Variants in PHEX observed in about 807,000 individuals in gnomAD.
PHEX encodes phosphate-regulating neutral endopeptidase PHEX.
A neutral mutation model predicts 68.0 loss-of-function variants in PHEX; 16 were observed. The ratio of observed to expected loss-of-function variants is 0.24; its 90% CI spans 0.16 to 0.36. The LOEUF (loss-of-function observed/expected upper bound fraction) is 0.36. Ranked by LOEUF, PHEX falls within the 10% of genes least tolerant of loss-of-function variation. The pLI is 1.00. For synonymous variants in PHEX, 208 were observed against 205.1 expected (o/e 1.01, Z -0.12); for missense variants, 480 against 575.5 (o/e 0.83, Z 1.70).
Position 22,206,864 on chromosome X carries a change from ACT to A in PHEX, c.1646-6037_1646-6036del, listed in dbSNP as rs1305325188. The stretch of plus-strand genomic sequence containing the variant: ...TCTATACTTGTTTGTACTAAAAAAA[ACT>A]CTAATTAATGCAGCTTACAATAATG... On this transcript the variant is annotated intron_variant, in intron 15 of 21. Transcript: ENST00000379374. 3.6e-5 allele frequency among the ~76,000 whole-genome samples: 4 copies of A among 111,640 alleles called. No individual in the cohort carries two copies. The East Asian group carries it at 8.4e-4, about 23-fold the overall frequency.
At chrX:22,227,706 A>ATGACTT in intron 20 of PHEX, 95 bp downstream of exon 20, 1 of 579,005 alleles carries the variant, frequency 1.7e-6, no homozygotes, top group East Asian at 3.4e-5. Flanking sequence ...GTTTAATGGC[A>ATGACTT]TGACTTTGAT....
chrX:22,076,737 G>T (rs1419624915), intron 4 of PHEX, among the ~76,000 whole-genome samples: 1 of 112,154 alleles, frequency 8.9e-6, no homozygotes, highest in Non-Finnish European at 1.9e-5. Flanking sequence ...CTTAGACAAA[G>T]TCAGCAGGGC....
intron 19 of PHEX, among the ~76,000 whole-genome samples, 192 bp downstream of exon 19, chrX:22,226,700 G>A (rs1935519265): frequency 9.0e-6 from 1 of 110,884 alleles, no homozygotes; most frequent in African/African-American, 3.3e-5. Flanking sequence ...TTTTCTTTTT[G>A]GGGTGTGAAG....
At chrX:22,198,966 A>G (rs1273805157) in intron 15 of PHEX, among the ~76,000 whole-genome samples, 1 of 111,048 alleles carries the variant, frequency 9.0e-6, no homozygotes, top group Non-Finnish European at 1.9e-5. Flanking sequence ...CAGGCAAGAG[A>G]GTGTATGCAG....
intron 12 of PHEX, among the ~76,000 whole-genome samples, chrX:22,140,880 G>A (rs189866016): frequency 4.6e-4 from 50 of 109,285 alleles, no homozygotes; most frequent in African/African-American, 1.6e-3. Context: ...ACAAATATTA[G>A]CTCTCTCAAT....
chrX:22,092,749 C>CTTTTTTTTTTTTTTTTTTTTT (rs370527485), intron 6 of PHEX, among the ~76,000 whole-genome samples: 6 of 77,920 alleles, frequency 7.7e-5, no homozygotes, highest in African/African-American at 3.3e-4. Context: ...TTCTTTCTTT[C>CTTTTTTTTTTTTTTTTTTTTT]TTTTTTTTTT....
intron 2 of PHEX, among the ~76,000 whole-genome samples, chrX:22,046,510 G>A (rs1927533230): frequency 9.1e-6 from 1 of 109,557 alleles, no homozygotes; most frequent in African/African-American, 3.3e-5. Flanking sequence ...AGATGTTAGG[G>A]ATGGCCCTGC....
chrX:22,196,658 AT>A (rs1388324370), intron 15 of PHEX, among the ~76,000 whole-genome samples: 2 of 112,616 alleles, frequency 1.8e-5, no homozygotes, highest in Non-Finnish European at 3.8e-5. Flanking sequence ...TCATTTAAGT[AT>A]TTGGTTTTTA....
chrX:22,171,335 G>A (rs1260899821), intron 13 of PHEX: 1 of 110,605 alleles, frequency 9.0e-6, no homozygotes, highest in Admixed American at 9.6e-5. Flanking sequence ...CAGCATGGGG[G>A]AAACTGCCCC....
intron 9 of PHEX, among the ~76,000 whole-genome samples, chrX:22,104,386 G>A (rs1246593697): frequency 9.1e-6 from 1 of 109,874 alleles, no homozygotes; most frequent in Non-Finnish European, 1.9e-5. Flanking sequence ...GCCAGGGAGG[G>A]ACCCTTGGAG....
chrX:22,089,577 T>A (rs1355950627), intron 5 of PHEX, among the ~76,000 whole-genome samples: 1 of 109,187 alleles, frequency 9.2e-6, no homozygotes, highest in African/African-American at 3.3e-5. Flanking sequence ...CACGCTACCA[T>A]ACCTGGCTAA....
intron 20 of PHEX, among the ~76,000 whole-genome samples, chrX:22,244,559 G>A (rs917336431): frequency 4.8e-4 from 53 of 111,190 alleles, no homozygotes; most frequent in African/African-American, 9.2e-4. Context: ...CCAAGATTGC[G>A]CCATTGCACT....
At chrX:22,228,353 G>T (rs1375049783) in intron 20 of PHEX, among the ~76,000 whole-genome samples, 1 of 111,780 alleles carries the variant, frequency 8.9e-6, no homozygotes, top group Non-Finnish European at 1.9e-5. Context: ...TATGCTCAAA[G>T]CTAGACAAAA....
At chrX:22,236,732 C>CCAT (rs1219935675) in intron 20 of PHEX, among the ~76,000 whole-genome samples, 2 of 112,214 alleles carry the variant, frequency 1.8e-5, no homozygotes, top group Non-Finnish European at 3.8e-5. Context: ...AAAATCTTTA[C>CCAT]CATCTGTCTC....
intron 6 of PHEX, among the ~76,000 whole-genome samples, chrX:22,091,364 C>T (rs759934502): frequency 2.8e-4 from 31 of 111,698 alleles, no homozygotes; most frequent in Admixed American, 1.7e-3. Flanking sequence ...GGCTCAAAAT[C>T]GTCTCCCCCT....
rs1469861370 is a variant in PHEX, at chrX:22,044,534, A to AC, written c.188-2514dup. 2.7e-5 allele frequency among the ~76,000 whole-genome samples: 3 copies of AC among 109,149 alleles called. No individual in the cohort carries two copies. The Admixed American group carries it at 3.0e-4, about 11-fold the overall frequency. The allele number at this position is 109,149 out of a possible 115,157, so 94.8% of individuals were successfully genotyped here. On this transcript the variant is annotated intron_variant, in intron 2 of 21. Coordinates refer to ENST00000379374, the MANE Select transcript of PHEX (RefSeq NM_000444.6). Reference sequence around the variant, plus strand: ...AGACCATCCTGGCTAATGTGGTGAAACCTGTCTCTACTAAAAATACAAAAA... The same window carrying AC: ...AGACCATCCTGGCTAATGTGGTGAAACCCTGTCTCTACTAAAAATACAAAAA...
At chrX:22,136,873 G>T (rs1932254130) in intron 12 of PHEX, among the ~76,000 whole-genome samples, 1 of 110,098 alleles carries the variant, frequency 9.1e-6, no homozygotes, top group Non-Finnish European at 1.9e-5. Context: ...CTCTTAAGAG[G>T]TCACGAGTAG....
At chrX:22,152,011 T>C (rs1027382527) in intron 12 of PHEX, among the ~76,000 whole-genome samples, 4 of 112,311 alleles carry the variant, frequency 3.6e-5, no homozygotes, top group African/African-American at 1.3e-4. Context: ...GCAGATGTGG[T>C]CTGTGCCTTA....
chrX:22,219,218 A>G (rs1935189688), intron 17 of PHEX, 115 bp downstream of exon 17: 7 of 556,859 alleles, frequency 1.3e-5, no homozygotes, highest in Non-Finnish European at 2.1e-5. Flanking sequence ...AAGATTATCC[A>G]AAGCAATATG....
Sources: allele counts gnomAD v4.1 joint callset (sites outside exome capture counted in the v4.1 genomes callset), GRCh38; gene constraint gnomAD v4.1.1; transcripts MANE v1.5; gene names NCBI Gene and HGNC (gene_info 2026-07-23, HGNC 2026-07-21).